Variants in NEIL2 observed in about 807,000 individuals in gnomAD.
NEIL2 encodes endonuclease 8-like 2.
NEIL2 carries 23 observed loss-of-function variants against 22.2 expected under a neutral mutation model. The ratio of observed to expected loss-of-function variants is 1.04; its 90% CI spans 0.75 to 1.47. The LOEUF is 1.47. Ranked by LOEUF, NEIL2 falls within the 40% of genes most tolerant of loss-of-function variation. NEIL2 has a pLI of 0.00. For synonymous variants in NEIL2, 229 were observed against 164.8 expected, an observed-to-expected ratio of 1.39 and a Z score of -2.99; for missense variants, 583 against 404.7, an observed-to-expected ratio of 1.44 and a Z score of -3.78.
intron 4 of NEIL2, among the ~76,000 whole-genome samples, chr8:11,785,450 C>T (rs2130548479): frequency 6.6e-6 from 1 of 152,300 alleles, no homozygotes; most frequent in South Asian, 2.1e-4. Context: ...CCCGCCTCTG[C>T]CTCCTAAAGT....
intron 3 of NEIL2, among the ~76,000 whole-genome samples, chr8:11,781,973 AGGG>A (rs1261506354): frequency 6.6e-6 from 1 of 152,074 alleles, no homozygotes; most frequent in Non-Finnish European, 1.5e-5. Context: ...CTGAAGTGGG[AGGG>A]TAGTTTGAGC....
intron 2 of NEIL2, 82 bp from the exon 3 acceptor site, chr8:11,779,516 C>A (rs547192079): frequency 8.7e-7 from 1 of 1,146,266 alleles, no homozygotes; most frequent in Non-Finnish European, 1.3e-6. Flanking sequence ...GAAGGAAGAC[C>A]TTTGCAATAG....
At chr8:11,774,258 C>T (rs1262736402) in intron 2 of NEIL2, among the ~76,000 whole-genome samples, 1 of 152,008 alleles carries the variant, frequency 6.6e-6, no homozygotes, top group Non-Finnish European at 1.5e-5. Flanking sequence ...GCCTGTAATC[C>T]CAGCTACTTG....
At chr8:11,773,808 A>G (rs1803676880) in intron 2 of NEIL2, among the ~76,000 whole-genome samples, 2 of 152,148 alleles carry the variant, frequency 1.3e-5, no homozygotes, top group African/African-American at 4.8e-5. Flanking sequence ...TGGATTACTC[A>G]TAACAGACTC....
intron 2 of NEIL2, among the ~76,000 whole-genome samples, chr8:11,773,368 C>G (rs566541744): frequency 2.8e-4 from 42 of 152,252 alleles, no homozygotes; most frequent in African/African-American, 9.6e-4. Context: ...CCTGGCAGTG[C>G]TTTGAAGTGA....
intron 2 of NEIL2, among the ~76,000 whole-genome samples, chr8:11,776,695 G>C (rs1192895270): frequency 6.6e-6 from 1 of 152,126 alleles, no homozygotes. Flanking sequence ...TTAACCTCTT[G>C]CCACAGCACC....
rs959855719 is a variant in NEIL2 at position 11,779,748 on chromosome 8, A to G, written c.289A>G (p.Thr97Ala). Residue 97 changes from threonine (T) to alanine (A), a missense_variant, in exon 3 of 5, where the codon ACC (threonine) becomes GCC (alanine). Coordinates refer to ENST00000284503, the MANE Select transcript of NEIL2 (RefSeq NM_145043.4). ...KQVGEPSGQK[T>A]LDGSSRSAEL... ...GGTCGGGGAGCCCAGCGGGCAGAAG[A>G]CCCTTGATGGATCCTCACGGTCTGC... is the stretch of plus-strand genomic sequence containing the variant. 2.3e-5 allele frequency: 37 copies of G among 1,613,964 alleles called. No individual in the cohort carries two copies. Among genetic ancestry groups the G allele is most frequent in the Non-Finnish European group, 3.1e-5 (37 of 1,180,010 alleles).
intron 1 of NEIL2, among the ~76,000 whole-genome samples, chr8:11,771,209 T>G (rs1396987249): frequency 2.0e-5 from 3 of 152,138 alleles, no homozygotes; most frequent in Non-Finnish European, 2.9e-5. Flanking sequence ...AATAAGTGTT[T>G]GCTGCATGAA....
rs755521540 is a variant in NEIL2, at chr8:11,785,967, C to G, written c.693C>G (p.Asn231Lys). ...LDQRYFSGLG[N>K]IIKNEALYRA... ...CCTTCCCCCGCTTTATTTCAGGGAA[C>G]ATCATTAAGAATGAAGCCTTGTACA... Residue 231 changes from asparagine to lysine, a missense_variant, in exon 5 of 5, where the codon AAC (asparagine) becomes AAG (lysine). Physicochemically the swap from Asn to Lys is moderately conservative, Grantham distance 94. Transcript: ENST00000284503. 27 of 1,613,836 alleles carry G rather than the reference C, an allele frequency of 1.7e-5. No individual in the cohort carries two copies. Among genetic ancestry groups the G allele is most frequent in the Non-Finnish European group, 2.3e-5 (27 of 1,179,866 alleles).
chr8:11,770,918 C>T (rs981048333), intron 1 of NEIL2, among the ~76,000 whole-genome samples: 4 of 152,170 alleles, frequency 2.6e-5, no homozygotes, highest in African/African-American at 9.7e-5. Flanking sequence ...TGAGCTCTGT[C>T]TGCGTGTTGG....
At position 11,786,512 on chromosome 8, in the gene NEIL2, T is replaced by C. The variant is rs1804969712; in HGVS notation, c.*239T>C. The C allele has an allele frequency of 1.7e-6, 1 of 571,822 alleles. No individual in the cohort carries two copies. Among genetic ancestry groups the C allele is most frequent in the African/African-American group, 1.9e-5 (1 of 53,264 alleles). The allele number at this position is 571,822 out of a possible 1,614,324, so 35.4% of individuals were successfully genotyped here. ...TGTTGAATTGCACCATCGTGAAAGATGGGAAAAATCGTGATGATGGGTAAG... is the reference window on the plus strand; with the variant it reads ...TGTTGAATTGCACCATCGTGAAAGACGGGAAAAATCGTGATGATGGGTAAG... On this transcript the variant is annotated 3_prime_UTR_variant, in exon 5 of 5. Coordinates refer to ENST00000284503, the MANE Select transcript of NEIL2 (RefSeq NM_145043.4).
intron 4 of NEIL2, among the ~76,000 whole-genome samples, chr8:11,785,434 G>A (rs1394130141): frequency 1.3e-5 from 2 of 152,046 alleles, no homozygotes; most frequent in Non-Finnish European, 2.9e-5. Context: ...GGCCTCAAGT[G>A]ATTCACCCGC....
chr8:11,775,522 T>G (rs8191576), intron 2 of NEIL2, among the ~76,000 whole-genome samples: 1 of 152,224 alleles, frequency 6.6e-6, no homozygotes, highest in Non-Finnish European at 1.5e-5. Flanking sequence ...ATTTTCCTTA[T>G]TGGCTTGGTG....
At chr8:11,780,062 C>A in intron 3 of NEIL2, 112 bp downstream of exon 3, 1 of 882,022 alleles carries the variant, frequency 1.1e-6, no homozygotes, top group Middle Eastern at 2.3e-4. Context: ...GTCTGCCCCC[C>A]AGGGCCCTGC....
Position 11,786,076 on chromosome 8 carries a change from A to T in NEIL2, c.802A>T (p.Ser268Cys), listed in dbSNP as rs796115261. 1.2e-6 allele frequency: 2 copies of T among 1,614,190 alleles called. No individual in the cohort carries two copies. The highest frequency in any genetic ancestry group is 8.5e-7 in the Non-Finnish European group (1 of 1,180,020). Residue 268 changes from serine to cysteine, a missense_variant, in exon 5 of 5, where the codon AGT becomes TGT. By Grantham distance (112) the Ser-to-Cys change is moderately radical (BLOSUM62 -1). Coordinates refer to ENST00000284503, the MANE Select transcript of NEIL2 (RefSeq NM_145043.4). Reference protein sequence around the residue: ...EVLVDHVVEFSTAWLQGKFQG... With the variant: ...EVLVDHVVEFCTAWLQGKFQG... ...CCTGGTGGATCACGTGGTGGAGTTC[A>T]GTACAGCCTGGCTGCAGGGCAAGTT...
chr8:11,779,492 C>G, intron 2 of NEIL2, 106 bp from the exon 3 acceptor site: 1 of 958,246 alleles, frequency 1.0e-6, no homozygotes, highest in Middle Eastern at 3.1e-4. Flanking sequence ...GGGAAGGCCC[C>G]CCAGGAGGGG....
intron 2 of NEIL2, among the ~76,000 whole-genome samples, chr8:11,776,807 C>G (rs781254007): frequency 6.6e-5 from 10 of 152,210 alleles, no homozygotes; most frequent in Non-Finnish European, 1.2e-4. Flanking sequence ...GGTCTCTGCT[C>G]TCCCTCATCA....
chr8:11,783,899 G>A (rs1267398310), intron 4 of NEIL2, among the ~76,000 whole-genome samples: 1 of 152,252 alleles, frequency 6.6e-6, no homozygotes, highest in South Asian at 2.1e-4. Context: ...TATGCGACGC[G>A]AGTGAAGAAG....
rs372311644 is a variant in NEIL2 at position 11,782,317 on chromosome 8, C to T, written c.492-886C>T. On this transcript the variant is annotated intron_variant, in intron 3 of 4. Coordinates refer to ENST00000284503, the MANE Select transcript of NEIL2 (RefSeq NM_145043.4). ...GTATGCACCTGTAATCCCAGCTACTCGGGAGGCTGAGGCAGGAGAATCGCT... is the reference window on the plus strand; with the variant it reads ...GTATGCACCTGTAATCCCAGCTACTTGGGAGGCTGAGGCAGGAGAATCGCT... Among the ~76,000 whole-genome samples the T allele has an allele frequency of 6.5e-4, 99 of 151,938 alleles. 1 individual carries two copies. The highest frequency in any genetic ancestry group is 3.9e-3 in the East Asian group (20 of 5,138).
Sources: gnomAD v4.1 joint callset for allele counts (sites outside exome capture counted in the v4.1 genomes callset) on GRCh38, gnomAD v4.1.1 for gene constraint, MANE v1.5 for transcripts, NCBI Gene and HGNC (gene_info 2026-07-23, HGNC 2026-07-21) for gene names.